KLHL14: variants seen among roughly 807,000 people sequenced by gnomAD.
KLHL14 encodes kelch-like protein 14.
KLHL14 carries 22 observed loss-of-function variants against 64.3 expected under a neutral mutation model. The ratio of observed to expected loss-of-function variants is 0.34; its 90% confidence interval spans 0.24 to 0.49. The LOEUF (loss-of-function observed/expected upper bound fraction) is 0.49. Ranked by LOEUF, KLHL14 falls within the 20% of genes least tolerant of loss-of-function variation. KLHL14 has a pLI of 0.99. For missense variants in KLHL14, 661 were observed against 789.0 expected (o/e 0.84, Z 1.94); for synonymous variants, 322 against 333.4 (o/e 0.97, Z 0.37).
At position 32,679,595 on chromosome 18, in the gene KLHL14, A is replaced by G. The variant is rs921497203; in HGVS notation, c.1588+574T>C. Among the ~76,000 whole-genome samples, 10 of 152,188 alleles carry G rather than the reference A, an allele frequency of 6.6e-5. 1 individual carries two copies. Among genetic ancestry groups the G allele is most frequent in the Admixed American group, 6.6e-4 (10 of 15,264 alleles). Reference sequence around the variant, plus strand: ...CAGTCGTATACATATCTAGGGAAGGAAAGCTGCCAAAACATGTCTCTAAAA... The same window carrying G: ...CAGTCGTATACATATCTAGGGAAGGGAAGCTGCCAAAACATGTCTCTAAAA... On this transcript the variant is annotated intron_variant, in intron 7 of 8. Transcript: ENST00000359358.
chr18:32,707,223 G>A (rs1181753244), intron 3 of KLHL14, among the ~76,000 whole-genome samples: 2 of 152,232 alleles, frequency 1.3e-5, no homozygotes, highest in African/African-American at 4.8e-5. Flanking sequence ...GTTGCCTCCT[G>A]AGGAGCAGGA....
rs756821190 is a variant in KLHL14, at chr18:32,741,948, T to A, written c.1049A>T (p.Lys350Met). 8.7e-6 allele frequency: 14 copies of A among 1,607,706 alleles called. No individual in the cohort carries two copies. Among genetic ancestry groups the A allele is most frequent in the Non-Finnish European group, 1.2e-5 (14 of 1,178,498 alleles). ...CTCACTTGTGAGTATTTTCCATGTCTTCTTTTCATCGTCGTAATACTGAAC... is the reference window on the plus strand; with the variant it reads ...CTCACTTGTGAGTATTTTCCATGTCATCTTTTCATCGTCGTAATACTGAAC... ...NLVQYYDDEK[K>M]TWKILTIMPY... is the part of the protein sequence containing the mutation. The change falls in exon 3 of 9, where the codon AAG becomes ATG. Residue 350 changes from lysine (K) to methionine (M), a missense_variant. Lys to Met is a moderately conservative substitution (Grantham distance 95, BLOSUM62 -1). This residue lies in a region of KLHL14 where 330 missense variants were observed against 450.0 expected (regional missense o/e 0.73). Transcript: ENST00000359358.
At position 32,677,156 on chromosome 18, in the gene KLHL14, T is replaced by G. The variant is rs755485326; in HGVS notation, c.1746+17A>C. The G allele has an allele frequency of 6.2e-7, 1 of 1,603,728 alleles. No individual in the cohort carries two copies. The highest frequency in any genetic ancestry group is 2.2e-5 in the East Asian group (1 of 44,782). On this transcript the variant is annotated intron_variant, in intron 8 of 8. Transcript: ENST00000359358. ...ACAAACGAAATAAAGGAGGATGCAG[T>G]AAATGTGGACACATACCATACTCCA...
At chr18:32,701,369 G>A (rs1196996207) in intron 3 of KLHL14, among the ~76,000 whole-genome samples, 1 of 152,192 alleles carries the variant, frequency 6.6e-6, no homozygotes, top group African/African-American at 2.4e-5. Context: ...ACAATGGGAT[G>A]ATGTGCTAGA....
At chr18:32,726,579 G>A (rs56967546) in intron 3 of KLHL14, among the ~76,000 whole-genome samples, 6,836 of 151,876 alleles carry the variant, frequency 0.045, 523 homozygotes, top group African/African-American at 0.16. Context: ...AGCCAAGATC[G>A]TGCCACTGCA....
rs1264647629 is a variant in KLHL14 at position 32,680,019 on chromosome 18, G to A, written c.1588+150C>T. 3 of 732,848 alleles carry A rather than the reference G, an allele frequency of 4.1e-6. No homozygotes were observed. In the African/African-American group the frequency reaches 5.3e-5, roughly 13 times the overall value. The allele number at this position is 732,848 out of a possible 1,614,324, so 45.4% of individuals were successfully genotyped here. On this transcript the variant is annotated intron_variant, in intron 7 of 8. Transcript: ENST00000359358. The surrounding 1 kb of genome is among the most constrained non-coding windows in gnomAD (Gnocchi z 4.8). ...AAAGCCAAAATAAATGCTTGCTCAA[G>A]GGTACTGCCAATTTACACAGAGTAG...
At chr18:32,734,101 A>G (rs1436136236) in intron 3 of KLHL14, 1 of 700,992 alleles carries the variant, frequency 1.4e-6, no homozygotes, top group Admixed American at 2.0e-5. Context: ...TGAGCACAGC[A>G]GAAGAATACA....
chr18:32,750,739 T>C (rs2050247057), intron 2 of KLHL14, among the ~76,000 whole-genome samples: 2 of 152,190 alleles, frequency 1.3e-5, no homozygotes, highest in Non-Finnish European at 2.9e-5. Context: ...ATTTCTTAAA[T>C]CTTTCTCTTC....
intron 4 of KLHL14, among the ~76,000 whole-genome samples, chr18:32,694,282 T>C (rs1368597492): frequency 6.6e-6 from 1 of 152,230 alleles, no homozygotes; most frequent in Admixed American, 6.5e-5. Flanking sequence ...CAAATGCTCC[T>C]TCCAGTTCAA....
chr18:32,746,183 T>C (rs1334358756), intron 2 of KLHL14, among the ~76,000 whole-genome samples: 2 of 152,208 alleles, frequency 1.3e-5, no homozygotes, highest in African/African-American at 2.4e-5. Context: ...AAAGTACGTA[T>C]TGAAAGACAA....
At chr18:32,754,668 T>G (rs1383909097) in intron 2 of KLHL14, among the ~76,000 whole-genome samples, 1 of 152,228 alleles carries the variant, frequency 6.6e-6, no homozygotes, top group Non-Finnish European at 1.5e-5. Flanking sequence ...ACTGTGAGGC[T>G]CTTTCGGAGG....
At chr18:32,748,514 C>T (rs2050235565) in intron 2 of KLHL14, among the ~76,000 whole-genome samples, 2 of 152,104 alleles carry the variant, frequency 1.3e-5, no homozygotes, top group Admixed American at 1.3e-4. Flanking sequence ...GGACTACAGG[C>T]GCCCGCCATC....
intron 2 of KLHL14, among the ~76,000 whole-genome samples, chr18:32,753,074 C>T (rs1233499346): frequency 6.6e-6 from 1 of 151,450 alleles, no homozygotes; most frequent in East Asian, 1.9e-4. Context: ...ATTATATTTA[C>T]TAAATCATGG....
intron 3 of KLHL14, among the ~76,000 whole-genome samples, chr18:32,715,509 A>AT (rs938038874): frequency 8.9e-4 from 121 of 135,660 alleles, no homozygotes; most frequent in African/African-American, 3.1e-3. Context: ...CCGACGGATG[A>AT]TTTTTTTTTT....
chr18:32,716,461 C>T (rs1439598065), intron 3 of KLHL14, among the ~76,000 whole-genome samples: 2 of 151,834 alleles, frequency 1.3e-5, no homozygotes, highest in Non-Finnish European at 2.9e-5. Flanking sequence ...GTCGCCCAGG[C>T]TGGAGTGCAA....
intron 2 of KLHL14, among the ~76,000 whole-genome samples, chr18:32,750,659 T>A (rs1367704133): frequency 1.3e-5 from 2 of 152,204 alleles, no homozygotes; most frequent in African/African-American, 2.4e-5. Context: ...AATATTCAAG[T>A]CACCGAATTT....
rs1324859907 is a variant in KLHL14, at chr18:32,683,853, A to G, written c.1239-3254T>C. Reference sequence around the variant, plus strand: ...AATTTTTGACTTTTGTCGTTGGATTAAAAACAATGGATATGTTAGAAAGAA... The same window carrying G: ...AATTTTTGACTTTTGTCGTTGGATTGAAAACAATGGATATGTTAGAAAGAA... On this transcript the variant is annotated intron_variant, in intron 5 of 8. Coordinates refer to ENST00000359358, the MANE Select transcript of KLHL14 (RefSeq NM_020805.3). The surrounding 1 kb of genome is among the most constrained non-coding windows in gnomAD (Gnocchi z 4.2). Among the ~76,000 whole-genome samples the G allele has an allele frequency of 6.6e-6, 1 of 152,188 alleles. No homozygotes were observed. The highest frequency in any genetic ancestry group is 1.5e-5 in the Non-Finnish European group (1 of 68,030).
chr18:32,770,462 A>G lies in KLHL14; in HGVS notation c.130T>C (p.Phe44Leu), dbSNP rs753155118. The change falls in exon 2 of 9, where the codon TTC becomes CTC. Residue 44 changes from phenylalanine (F) to leucine (L), a missense_variant. Phe to Leu is a conservative substitution (Grantham distance 22). Coordinates refer to ENST00000359358, the MANE Select transcript of KLHL14 (RefSeq NM_020805.3). The surrounding 1 kb of genome is among the most constrained non-coding windows in gnomAD (Gnocchi z 6.7). Reference sequence around the variant, plus strand: ...GCCAGCACGGCCTTGTGGCAATGGAACTGCTGGCCCTGGGCCGTCAGGGTC... The same window carrying G: ...GCCAGCACGGCCTTGTGGCAATGGAGCTGCTGGCCCTGGGCCGTCAGGGTC... ...DVTLTAQGQQFHCHKAVLASC... is the reference protein window; with the variant it reads ...DVTLTAQGQQLHCHKAVLASC... The G allele has an allele frequency of 6.2e-7, 1 of 1,612,212 alleles. No individual in the cohort carries two copies. Among genetic ancestry groups the G allele is most frequent in the Non-Finnish European group, 8.5e-7 (1 of 1,179,738 alleles).
chr18:32,725,861 T>C (rs1305735233), intron 3 of KLHL14, among the ~76,000 whole-genome samples: 1 of 152,272 alleles, frequency 6.6e-6, no homozygotes, highest in East Asian at 1.9e-4. Context: ...TTCTTAGTCA[T>C]GGTGTCATAC....
Sources: allele counts gnomAD v4.1 joint callset (sites outside exome capture counted in the v4.1 genomes callset), GRCh38; gene constraint gnomAD v4.1.1; regional missense constraint gnomAD v4.1.1; non-coding constraint Gnocchi (gnomAD v3.1); transcripts MANE v1.5; gene names NCBI Gene and HGNC (gene_info 2026-07-23, HGNC 2026-07-21).